The following PARVB variants were observed in gnomAD, a reference collection of about 807,000 sequenced individuals.
PARVB encodes the protein beta-parvin.
In PARVB, 46 loss-of-function variants were observed where a neutral mutation model predicts 47.0. That is an observed-to-expected ratio of 0.98 (90% CI 0.77 to 1.25). The LOEUF is 1.25. Ranked by LOEUF, PARVB falls within the 50% of genes most tolerant of loss-of-function variation. The probability of loss-of-function intolerance (pLI) is 0.00; values close to 1 mark genes in which losing one functional copy is unlikely to be tolerated. For synonymous variants in PARVB, 196 were observed against 196.3 expected, an observed-to-expected ratio of 1.00 and a Z score of 0.01; for missense variants, 473 against 471.6, an observed-to-expected ratio of 1.00 and a Z score of -0.03.
Position 44,059,754 on chromosome 22 carries a change from A to C in PARVB, c.113-34174A>C, listed in dbSNP as rs544084126. Reference sequence around the variant, plus strand: ...AAGATGCCGTACACATTTTCCTTTAAAAAGTCTCACTTGGCTTGTTTGACA... The same window carrying C: ...AAGATGCCGTACACATTTTCCTTTACAAAGTCTCACTTGGCTTGTTTGACA... On this transcript the variant is annotated intron_variant, in intron 1 of 12. Coordinates refer to ENST00000338758, the MANE Select transcript of PARVB (RefSeq NM_013327.5). 1.3e-4 allele frequency among the ~76,000 whole-genome samples: 20 copies of C among 152,290 alleles called. No homozygotes were observed. In the South Asian group the frequency reaches 3.1e-3, roughly 24 times the overall value.
Position 44,155,734 on chromosome 22 carries a change from A to C in PARVB, c.844-2248A>C, listed in dbSNP as rs1601695712. Among the ~76,000 whole-genome samples the C allele has an allele frequency of 6.6e-6, 1 of 152,302 alleles. No homozygotes were observed. Among genetic ancestry groups the C allele is most frequent in the African/African-American group, 2.4e-5 (1 of 41,584 alleles). On this transcript the variant is annotated intron_variant, in intron 10 of 12. Transcript: ENST00000338758. The surrounding 1 kb of genome is among the most constrained non-coding windows in gnomAD (Gnocchi z 4.8). ...GGGCATGAAGCTTCCATGTGGAGAC[A>C]CACTTAAAAGAATTCTTCAAACCCG... is the stretch of plus-strand genomic sequence containing the variant.
At chr22:44,050,256 T>C (rs889766644) in intron 1 of PARVB, among the ~76,000 whole-genome samples, 3 of 152,186 alleles carry the variant, frequency 2.0e-5, no homozygotes, top group Admixed American at 6.5e-5. Context: ...GCAAACAGAA[T>C]CCACACCATA....
chr22:44,116,804 T>C (rs6006656), intron 3 of PARVB, among the ~76,000 whole-genome samples: 108,529 of 151,828 alleles, frequency 0.71, 39,984 homozygotes, highest in African/African-American at 0.92. Flanking sequence ...GCTGCTCAGG[T>C]AGTGAGGGAG....
Position 44,125,739 on chromosome 22 carries a change from A to G in PARVB, c.377-5748A>G, listed in dbSNP as rs2053172290. Among the ~76,000 whole-genome samples, 1 of 151,990 alleles carries G rather than the reference A, an allele frequency of 6.6e-6. No homozygotes were observed. The highest frequency in any genetic ancestry group is 6.6e-5 in the Admixed American group (1 of 15,262). On this transcript the variant is annotated intron_variant, in intron 4 of 12. Transcript: ENST00000338758. The surrounding 1 kb of genome is among the most constrained non-coding windows in gnomAD (Gnocchi z 4.1). Reference sequence around the variant, plus strand: ...ATTCCAAGTGACAGGAAGCCATTGGAGGTTTTGGGTAGGGCTGTGACGTGG... The same window carrying G: ...ATTCCAAGTGACAGGAAGCCATTGGGGGTTTTGGGTAGGGCTGTGACGTGG...
intron 2 of PARVB, among the ~76,000 whole-genome samples, chr22:44,012,093 T>C (rs2042807407): frequency 1.3e-5 from 2 of 152,132 alleles, no homozygotes; most frequent in Admixed American, 1.3e-4. Context: ...GAGGGGAGTC[T>C]TTTTTTAAAG....
At chr22:44,122,682 T>C (rs886714473) in intron 4 of PARVB, among the ~76,000 whole-genome samples, 1 of 152,170 alleles carries the variant, frequency 6.6e-6, no homozygotes, top group South Asian at 2.1e-4. Context: ...TTTATCCTTC[T>C]TATGTTTCTT....
chr22:44,132,186 G>T (rs2053342420), intron 5 of PARVB, among the ~76,000 whole-genome samples: 1 of 152,174 alleles, frequency 6.6e-6, no homozygotes, highest in African/African-American at 2.4e-5. Context: ...CTGGGCCAGA[G>T]GTCTCCGTGC....
intron 1 of PARVB, among the ~76,000 whole-genome samples, chr22:44,057,952 G>A (rs1311867189): frequency 6.6e-6 from 1 of 152,144 alleles, no homozygotes; most frequent in Non-Finnish European, 1.5e-5. Flanking sequence ...GCTAGACCTG[G>A]CTTCATCCTC....
intron 2 of PARVB, among the ~76,000 whole-genome samples, chr22:44,000,015 A>G (rs1348462069): frequency 6.6e-6 from 1 of 151,950 alleles, no homozygotes; most frequent in Admixed American, 6.5e-5. Flanking sequence ...ACAAAAAAAA[A>G]GAAAGAAAGT....
intron 1 of PARVB, among the ~76,000 whole-genome samples, chr22:44,043,051 C>T (rs961111718): frequency 2.0e-5 from 3 of 152,046 alleles, no homozygotes; most frequent in Non-Finnish European, 2.9e-5. Flanking sequence ...TCCATCCATA[C>T]GATAGAATAC....
At chr22:44,095,670 A>G (rs1484001755) in intron 2 of PARVB, among the ~76,000 whole-genome samples, 2 of 152,146 alleles carry the variant, frequency 1.3e-5, no homozygotes, top group African/African-American at 4.8e-5. Flanking sequence ...GCCAAGACAC[A>G]TTTTCCTTAA....
rs577919899 is a variant in PARVB at position 44,030,617 on chromosome 22, G to T, written c.112+6166G>T. On this transcript the variant is annotated intron_variant, in intron 1 of 12. Transcript: ENST00000338758. ...GGGGAGGCAGGCTGGCAGGAATGTG[G>T]CACGGGGCACAGGCAGTGCCCCGAG... Among the ~76,000 whole-genome samples the T allele has an allele frequency of 4.6e-3, 707 of 152,196 alleles. 9 individuals carry two copies. Among genetic ancestry groups the T allele is most frequent in the African/African-American group, 0.017 (691 of 41,550 alleles).
At chr22:44,110,158 G>T (rs1234790467) in intron 3 of PARVB, 1 of 149,262 alleles carries the variant, frequency 6.7e-6, no homozygotes, top group Admixed American at 6.7e-5. Flanking sequence ...TTCATAGGCG[G>T]TTCTGCAGTT....
At chr22:44,024,204 G>A (rs1238589744), upstream of PARVB, 6 of 307,434 alleles carry the variant, frequency 2.0e-5, no homozygotes, top group Non-Finnish European at 2.9e-5. Context: ...CCGGGACGCC[G>A]GGGCCGCGCT....
intron 12 of PARVB, among the ~76,000 whole-genome samples, chr22:44,166,373 G>C (rs12172427): frequency 6.6e-6 from 1 of 152,222 alleles, no homozygotes; most frequent in Non-Finnish European, 1.5e-5. Context: ...CCCTCCCAAA[G>C]AGCTGGGGTT....
intron 1 of PARVB, among the ~76,000 whole-genome samples, chr22:44,060,593 C>A (rs1569083928): frequency 6.6e-6 from 1 of 151,862 alleles, no homozygotes; most frequent in Non-Finnish European, 1.5e-5. Context: ...CATCTAGTAA[C>A]CCAACTACAT....
intron 1 of PARVB, among the ~76,000 whole-genome samples, chr22:44,048,518 C>T (rs2051153646): frequency 6.6e-6 from 1 of 151,668 alleles, no homozygotes; most frequent in South Asian, 2.1e-4. Flanking sequence ...ATTACAGGTG[C>T]CCACCACCAT....
intron 1 of PARVB, among the ~76,000 whole-genome samples, chr22:44,080,963 C>T (rs531047946): frequency 2.0e-5 from 3 of 152,120 alleles, no homozygotes; most frequent in Admixed American, 6.5e-5. Context: ...GGAATGGATG[C>T]GGGGAGTGGG....
chr22:44,098,715 T>C (rs2052368775), intron 2 of PARVB, among the ~76,000 whole-genome samples: 1 of 152,162 alleles, frequency 6.6e-6, no homozygotes, highest in Non-Finnish European at 1.5e-5. Flanking sequence ...TCAAAATTAG[T>C]TTCTCCATGT....
Sources: gnomAD v4.1 joint callset for allele counts (sites outside exome capture counted in the v4.1 genomes callset) on GRCh38, gnomAD v4.1.1 for gene constraint, Gnocchi (gnomAD v3.1) non-coding constraint, MANE v1.5 for transcripts, NCBI Gene and HGNC (gene_info 2026-07-23, HGNC 2026-07-21) for gene names.